KCNN2: variants seen among roughly 807,000 people sequenced by gnomAD.
KCNN2 encodes the protein small conductance calcium-activated potassium channel protein 2.
KCNN2 carries 24 observed loss-of-function variants against 55.5 expected under a neutral mutation model. The observed-to-expected ratio is 0.43, with a 90% CI of 0.31 to 0.61. The LOEUF (loss-of-function observed/expected upper bound fraction) is 0.61, where lower values mean the gene tolerates loss of function less well. KCNN2 is among the 20% of genes least tolerant of loss of function. The pLI, the probability that KCNN2 is intolerant of heterozygous loss-of-function variation, is 0.08. For missense variants in KCNN2, 754 were observed against 853.6 expected (o/e 0.88, Z 1.45); for synonymous variants, 431 against 336.1 (o/e 1.28, Z -3.09).
chr5:114,098,718 A>G (rs1010069212), intron 1 of KCNN2, among the ~76,000 whole-genome samples: 1 of 152,132 alleles, frequency 6.6e-6, no homozygotes, highest in Non-Finnish European at 1.5e-5. Flanking sequence ...GGATTGCCCA[A>G]AGAAAAAGAA....
intron 2 of KCNN2, among the ~76,000 whole-genome samples, chr5:114,275,776 C>T (rs555784062): frequency 6.6e-6 from 1 of 152,030 alleles, no homozygotes; most frequent in Non-Finnish European, 1.5e-5. Flanking sequence ...TTTCAAAAAA[C>T]CAGCTCCTGG....
intron 2 of KCNN2, among the ~76,000 whole-genome samples, chr5:114,315,457 GTGTGTGTGTATATA>G (rs1480867172): frequency 9.5e-5 from 9 of 94,694 alleles, no homozygotes; most frequent in Middle Eastern, 6.1e-3. Context: ...GTGTGTGTGT[GTGTGTGTGTATATA>G]TATATAAAAC....
intron 1 of KCNN2, among the ~76,000 whole-genome samples, chr5:114,074,955 G>T (rs1580487085): frequency 6.6e-6 from 1 of 152,290 alleles, no homozygotes; most frequent in East Asian, 1.9e-4. Context: ...TAAAAGTTAT[G>T]GGTGTACATC....
chr5:114,463,281 C>A (rs1158458761), intron 4 of KCNN2, 91 bp downstream of exon 4: 2 of 967,488 alleles, frequency 2.1e-6, no homozygotes, highest in East Asian at 2.6e-5. Flanking sequence ...TTGTGAGCTA[C>A]TTCTTTTCCC....
chr5:114,424,495 T>G (rs146506950), intron 3 of KCNN2, among the ~76,000 whole-genome samples: 1 of 152,368 alleles, frequency 6.6e-6, no homozygotes, highest in African/African-American at 2.4e-5. Flanking sequence ...TGCCTACATC[T>G]TATGCCTTCA....
chr5:114,334,315 G>T (rs1193676207), intron 2 of KCNN2, among the ~76,000 whole-genome samples: 14 of 142,430 alleles, frequency 9.8e-5, no homozygotes, highest in African/African-American at 3.1e-4. Context: ...TGTGTATAAG[G>T]CTCTGGCTGT....
chr5:114,463,600 T>A (rs548583653), intron 4 of KCNN2, among the ~76,000 whole-genome samples: 5 of 152,174 alleles, frequency 3.3e-5, no homozygotes, highest in Admixed American at 2.0e-4. Flanking sequence ...AATTATAATA[T>A]TTATTTTTCT....
intron 1 of KCNN2, among the ~76,000 whole-genome samples, chr5:114,128,739 T>A (rs748855240): frequency 1.3e-5 from 2 of 152,204 alleles, no homozygotes; most frequent in African/African-American, 4.8e-5. Flanking sequence ...GATTCCATAC[T>A]TGGGTTAATT....
intron 2 of KCNN2, among the ~76,000 whole-genome samples, chr5:114,251,750 A>G (rs1163093882): frequency 6.6e-6 from 1 of 151,970 alleles, no homozygotes; most frequent in Non-Finnish European, 1.5e-5. Context: ...TTTTCCTCAG[A>G]TAGTGTAGAT....
intron 1 of KCNN2, among the ~76,000 whole-genome samples, chr5:114,196,595 C>T (rs568656357): frequency 6.6e-6 from 1 of 151,884 alleles, no homozygotes; most frequent in Non-Finnish European, 1.5e-5. Flanking sequence ...TTGTTTCTTT[C>T]TAGGAATTTG....
intron 3 of KCNN2, among the ~76,000 whole-genome samples, chr5:114,412,021 A>T (rs550696234): frequency 1.6e-4 from 24 of 152,330 alleles, no homozygotes; most frequent in African/African-American, 5.3e-4. Context: ...TTCTGACATC[A>T]GTAGTATGAA....
chr5:114,240,427 CTTT>C (rs201223682), intron 2 of KCNN2, among the ~76,000 whole-genome samples: 1 of 130,402 alleles, frequency 7.7e-6, no homozygotes, highest in Non-Finnish European at 1.6e-5. Context: ...TTTTCTTTCT[CTTT>C]TTTTTTTTTT....
Position 114,231,985 on chromosome 5 carries a change from G to A in KCNN2, c.-185+10420G>A, listed in dbSNP as rs181667735. Among the ~76,000 whole-genome samples the A allele has an allele frequency of 1.1e-3, 163 of 150,986 alleles. 4 individuals are homozygous for A. In the East Asian group the frequency reaches 0.028, roughly 26 times the overall value. Reference sequence around the variant, plus strand: ...AGTTTAAATGAATTGAATTCAAAGCGTTGAATTCATTTTAAAAATATACTT... The same window carrying A: ...AGTTTAAATGAATTGAATTCAAAGCATTGAATTCATTTTAAAAATATACTT... On this transcript the variant is annotated intron_variant, in intron 2 of 10. Coordinates refer to the KCNN2 transcript ENST00000512097.
chr5:114,317,500 A>G (rs939154870), intron 2 of KCNN2, among the ~76,000 whole-genome samples: 1 of 152,208 alleles, frequency 6.6e-6, no homozygotes, highest in Non-Finnish European at 1.5e-5. Context: ...ATTCTTTCTT[A>G]GACTATACTT....
At chr5:114,393,433 G>C (rs1758515798) in intron 2 of KCNN2, among the ~76,000 whole-genome samples, 1 of 152,058 alleles carries the variant, frequency 6.6e-6, no homozygotes, top group African/African-American at 2.4e-5. Flanking sequence ...TTCTAGTTTT[G>C]AAGTTTTGTA....
chr5:114,391,209 C>T (rs1335883896), intron 2 of KCNN2, among the ~76,000 whole-genome samples: 1 of 152,094 alleles, frequency 6.6e-6, no homozygotes, highest in Non-Finnish European at 1.5e-5. Context: ...TCCCTTCCTC[C>T]TCTTCCATGG....
intron 5 of KCNN2, among the ~76,000 whole-genome samples, chr5:114,473,629 C>G (rs764441524): frequency 6.6e-6 from 1 of 152,130 alleles, no homozygotes; most frequent in Non-Finnish European, 1.5e-5. Flanking sequence ...CAGGCTCTTT[C>G]CTTGACTTAC....
At chr5:114,409,234 A>G (rs1412254350) in intron 3 of KCNN2, among the ~76,000 whole-genome samples, 2 of 152,226 alleles carry the variant, frequency 1.3e-5, no homozygotes, top group Non-Finnish European at 1.5e-5. Flanking sequence ...ATTATTAACC[A>G]GCATTGTGTT....
At chr5:114,381,082 A>C (rs1758111079) in intron 2 of KCNN2, among the ~76,000 whole-genome samples, 1 of 152,200 alleles carries the variant, frequency 6.6e-6, no homozygotes. Flanking sequence ...AAAGCTAATT[A>C]AGAATGTGGA....
Sources: gnomAD v4.1 joint callset for allele counts (sites outside exome capture counted in the v4.1 genomes callset) on GRCh38, gnomAD v4.1.1 for gene constraint, MANE v1.5 for transcripts, NCBI Gene and HGNC (gene_info 2026-07-23, HGNC 2026-07-21) for gene names.